FARP1: variants seen among roughly 807,000 people sequenced by gnomAD.
FARP1 encodes FERM, ARH/RhoGEF and pleckstrin domain protein 1, also known as FERM, ARHGEF and pleckstrin domain-containing protein 1.
In FARP1, 52 loss-of-function variants were observed where a neutral mutation model predicts 128.8. That is an observed-to-expected ratio of 0.40 (90% CI 0.32 to 0.51). The LOEUF is 0.51. Among genes scored for constraint, FARP1 ranks in the 20% least tolerant of loss-of-function variants. FARP1 has a pLI of 0.45. For missense variants in FARP1, 1,333 were observed against 1,367.9 expected, an observed-to-expected ratio of 0.97 and a Z score of 0.40; for synonymous variants, 580 against 551.8, an observed-to-expected ratio of 1.05 and a Z score of -0.72.
At chr13:98,374,978 T>A (rs1420752246) in intron 5 of FARP1, among the ~76,000 whole-genome samples, 1 of 152,184 alleles carries the variant, frequency 6.6e-6, no homozygotes, top group East Asian at 1.9e-4. Flanking sequence ...GTTATTAGTC[T>A]ATTCATAAGG....
intron 2 of FARP1, among the ~76,000 whole-genome samples, chr13:98,252,038 G>A (rs1469068991): frequency 2.0e-5 from 3 of 152,096 alleles, no homozygotes; most frequent in African/African-American, 7.2e-5. Context: ...AGTAGAGACA[G>A]GGTTTCACTA....
intron 2 of FARP1, among the ~76,000 whole-genome samples, chr13:98,310,985 C>A (rs913205284): frequency 2.6e-5 from 4 of 152,142 alleles, no homozygotes; most frequent in Non-Finnish European, 5.9e-5. Flanking sequence ...AGGAAACAGG[C>A]TCTATCTGTG....
chr13:98,343,110 G>A (rs1360223316), intron 2 of FARP1, among the ~76,000 whole-genome samples: 1 of 152,114 alleles, frequency 6.6e-6, no homozygotes, highest in Non-Finnish European at 1.5e-5. Flanking sequence ...TACTGTATGA[G>A]TCCTGTATGA....
intron 1 of FARP1, among the ~76,000 whole-genome samples, chr13:98,148,106 C>T (rs543617852): frequency 1.2e-4 from 19 of 152,120 alleles, no homozygotes; most frequent in Admixed American, 4.6e-4. Flanking sequence ...CAATAAGGTG[C>T]GGTGGCTCAC....
At chr13:98,313,668 C>G (rs571679417) in intron 2 of FARP1, among the ~76,000 whole-genome samples, 1 of 152,226 alleles carries the variant, frequency 6.6e-6, no homozygotes, top group Non-Finnish European at 1.5e-5. Flanking sequence ...AGGCTCCCCT[C>G]GCAGCCCCAG....
At chr13:98,442,509 G>T (rs993631014) in intron 24 of FARP1, among the ~76,000 whole-genome samples, 7 of 152,194 alleles carry the variant, frequency 4.6e-5, no homozygotes, top group Non-Finnish European at 1.0e-4. Context: ...CCCCACATAC[G>T]AGGCTCTGTC....
In FARP1 at chr13:98,390,064, G is replaced by C. The variant is rs1890247953; in HGVS notation, c.963G>C (p.Glu321Asp). Residue 321 changes from glutamate to aspartate, a missense_variant, in exon 10 of 27, where the codon GAG becomes GAC. Physicochemically the swap from Glu to Asp is conservative, Grantham distance 45 (BLOSUM62 2). Transcript: ENST00000319562. ...EHHAFFRLFE[E>D]PKPKPKPVLF... ...ATGCCTTCTTTAGACTTTTTGAAGA[G>C]CCCAAACCAAAGCCCAAGCCCGTCC... is the stretch of plus-strand genomic sequence containing the variant. The C allele has an allele frequency of 1.2e-6, 2 of 1,614,054 alleles. No individual in the cohort carries two copies. The highest frequency in any genetic ancestry group is 2.7e-5 in the African/African-American group (2 of 74,912).
intron 2 of FARP1, among the ~76,000 whole-genome samples, chr13:98,280,414 C>T (rs1429989793): frequency 6.6e-6 from 1 of 152,186 alleles, no homozygotes; most frequent in Non-Finnish European, 1.5e-5. Flanking sequence ...GGCTTCATCC[C>T]AGGCTCACTC....
At chr13:98,246,996 T>A (rs1186892634) in intron 2 of FARP1, among the ~76,000 whole-genome samples, 1 of 152,138 alleles carries the variant, frequency 6.6e-6, no homozygotes, top group Non-Finnish European at 1.5e-5. Context: ...GAGGCCAAGG[T>A]GGACGGATCA....
chr13:98,292,418 A>G (rs1417350043), intron 2 of FARP1, among the ~76,000 whole-genome samples: 1 of 152,250 alleles, frequency 6.6e-6, no homozygotes, highest in African/African-American at 2.4e-5. Flanking sequence ...CATGGGGAAA[A>G]TGTATTTGTC....
At chr13:98,415,159 G>A (rs1333981159) in intron 16 of FARP1, among the ~76,000 whole-genome samples, 1 of 152,196 alleles carries the variant, frequency 6.6e-6, no homozygotes, top group Non-Finnish European at 1.5e-5. Flanking sequence ...GGTGCCTCAG[G>A]GTCACTGGGC....
At chr13:98,243,505 C>T (rs974941128) in intron 2 of FARP1, among the ~76,000 whole-genome samples, 1 of 151,330 alleles carries the variant, frequency 6.6e-6, no homozygotes, top group Non-Finnish European at 1.5e-5. Flanking sequence ...ATGAACTTGG[C>T]CAAGATAGTG....
chr13:98,435,514 T>C, intron 18 of FARP1, 62 bp from the exon 19 acceptor site: 1 of 1,545,170 alleles, frequency 6.5e-7, no homozygotes, highest in Middle Eastern at 1.8e-4. Context: ...AGCTGACAGC[T>C]GCTAGGGGAA....
chr13:98,378,893 CTA>C lies in FARP1; in HGVS notation c.496+990_496+991del, dbSNP rs1555341970. Among the ~76,000 whole-genome samples the C allele has an allele frequency of 2.4e-3, 240 of 98,886 alleles. 6 individuals carry two copies. The highest frequency in any genetic ancestry group is 0.011 in the Middle Eastern group (2 of 186). 64.9% of individuals were successfully genotyped at this position (98,886 alleles called of 152,430 possible). A position where few individuals can be genotyped will look rare whatever the true frequency, so the allele number is the denominator to read the frequency against. On this transcript the variant is annotated intron_variant, in intron 6 of 26. Transcript: ENST00000319562. ...TATTAAGCCTGACCATGTGCCAGCA[CTA>C]TATATATATATATAATATATATATA...
At chr13:98,314,829 A>C (rs1244711221) in intron 2 of FARP1, among the ~76,000 whole-genome samples, 1 of 152,210 alleles carries the variant, frequency 6.6e-6, no homozygotes, top group Non-Finnish European at 1.5e-5. Context: ...AGGATGAGCC[A>C]ATTAAGGAAG....
chr13:98,431,834 T>G (rs7333410), intron 18 of FARP1: 86,865 of 152,058 alleles, frequency 0.57, 25,019 homozygotes, highest in African/African-American at 0.6. Flanking sequence ...TTGCATGCAT[T>G]TTCTCCTTTG....
chr13:98,446,002 G>A (rs1431756726), intron 24 of FARP1, 96 bp from the exon 25 acceptor site: 2 of 802,192 alleles, frequency 2.5e-6, no homozygotes, highest in Admixed American at 2.3e-5. Flanking sequence ...TCACGGACAT[G>A]CCCCAGCCCA....
At chr13:98,299,204 A>G (rs985236318) in intron 2 of FARP1, among the ~76,000 whole-genome samples, 1 of 152,264 alleles carries the variant, frequency 6.6e-6, no homozygotes, top group Non-Finnish European at 1.5e-5. Flanking sequence ...CAGTTCTACC[A>G]TGCAGAAGTA....
At position 98,446,145 on chromosome 13, in the gene FARP1, G is replaced by GTGGCAGAAGC; in HGVS notation, c.2847_2856dup (p.Trp953AlafsTer39). On this transcript the variant is annotated frameshift_variant, in exon 25 of 27. Coordinates refer to ENST00000319562, the MANE Select transcript of FARP1 (RefSeq NM_005766.4). LOFTEE classifies it high-confidence loss of function. ...TGAGGAAATTCAAAAACAGCAACGG[G>GTGGCAGAAGC]TGGCAGAAGCTGTGGGTGGTGTTCA... 6.2e-7 allele frequency: 1 copy of GTGGCAGAAGC among 1,614,114 alleles called. No homozygotes were observed. Among genetic ancestry groups the GTGGCAGAAGC allele is most frequent in the South Asian group, 1.1e-5 (1 of 91,072 alleles).
Sources: gnomAD v4.1 joint callset for allele counts (sites outside exome capture counted in the v4.1 genomes callset) on GRCh38, gnomAD v4.1.1 for gene constraint, MANE v1.5 for transcripts, NCBI Gene and HGNC (gene_info 2026-07-23, HGNC 2026-07-21) for gene names.